The following TSPOAP1 variants were observed in gnomAD, a reference collection of about 807,000 sequenced individuals.
TSPOAP1 encodes peripheral-type benzodiazepine receptor-associated protein 1.
Under a neutral mutation model 197.0 loss-of-function variants are expected in TSPOAP1, and 87 were observed. The observed-to-expected ratio is 0.44, with a 90% CI of 0.37 to 0.53. The LOEUF is 0.53. Ranked by LOEUF, TSPOAP1 falls within the 20% of genes least tolerant of loss-of-function variation. The pLI is 0.00. For synonymous variants in TSPOAP1, 913 were observed against 998.9 expected, an observed-to-expected ratio of 0.91 and a Z score of 1.62; for missense variants, 2,174 against 2,411.3, an observed-to-expected ratio of 0.90 and a Z score of 2.06.
intron 1 of TSPOAP1, 150 bp downstream of exon 1, chr17:58,327,438 A>G (rs1971670507): frequency 2.8e-6 from 2 of 708,780 alleles, no homozygotes; most frequent in Admixed American, 2.9e-5. Context: ...TGAAGAGAGG[A>G]CAGATAGCCA....
rs1317346298 is a variant in TSPOAP1, at chr17:58,309,177, C to T, written c.4095G>A (p.Leu1365=). 1.9e-6 allele frequency: 3 copies of T among 1,614,088 alleles called. No homozygotes were observed. The South Asian group carries it at 3.3e-5, about 18-fold the overall frequency. The change falls in exon 22 of 32, where the codon CTG becomes CTA. Residue 1365 remains leucine, a synonymous_variant. Coordinates refer to ENST00000343736, the MANE Select transcript of TSPOAP1 (RefSeq NM_004758.4). This position sits in a 1 kb window ranked among gnomAD's most constrained non-coding sequence, Gnocchi z 5.0. ...GCTGACCACTGTCACAGCCCAGCCC[C>T]AGCAATGCAGGTTCAGGCGGGCCAG... The part of the protein sequence containing the change: ...RDPGPPEPAL[L]GLGCDSGQPR...
At position 58,307,760 on chromosome 17, in the gene TSPOAP1, G is replaced by A; in HGVS notation, c.4834C>T (p.Pro1612Ser). Residue 1612 changes from proline (P) to serine (S), a missense_variant and splice_region_variant, in exon 24 of 32, where the codon CCT (proline) becomes TCT (serine). This residue lies in a region of TSPOAP1 where 1,933 missense variants were observed against 2,139.0 expected (regional missense o/e 0.90). Transcript: ENST00000343736. ...AGTGTTTCTGAGGGGCTCCTCGCAGGGACTGTGGAGACAGTGGAGAGGGCG... is the reference window on the plus strand; with the variant it reads ...AGTGTTTCTGAGGGGCTCCTCGCAGAGACTGTGGAGACAGTGGAGAGGGCG... ...VLRPSTAELV[P>S]ARSPSETLAY... 1 of 1,614,148 alleles carries A rather than the reference G, an allele frequency of 6.2e-7. No individual in the cohort carries two copies. Among genetic ancestry groups the A allele is most frequent in the Non-Finnish European group, 8.5e-7 (1 of 1,180,028 alleles).
chr17:58,327,665 TG>T lies in TSPOAP1; in HGVS notation c.255del (p.Ser86AlafsTer25). Reference sequence around the variant, plus strand: ...GAGCTGGATGCTTGCTGGCCCAGGCTGGGCAGACAAGCCTCTGCTCCTTCAG... The same window carrying T: ...GAGCTGGATGCTTGCTGGCCCAGGCTGGCAGACAAGCCTCTGCTCCTTCAG... The part of the protein sequence containing the change: ...TDPEGAEACL[P>X]SLGQQASSSG... On this transcript the variant is annotated frameshift_variant, in exon 1 of 32. Transcript: ENST00000343736. LOFTEE classifies it high-confidence loss of function. 6.2e-7 allele frequency: 1 copy of T among 1,613,728 alleles called. No homozygotes were observed. The highest frequency in any genetic ancestry group is 8.5e-7 in the Non-Finnish European group (1 of 1,180,038).
Position 58,319,351 on chromosome 17 carries a change from C to T in TSPOAP1, c.1495-57G>A, listed in dbSNP as rs552273609. 2.6e-3 allele frequency: 3,937 copies of T among 1,511,554 alleles called. 8 individuals are homozygous for T. Among genetic ancestry groups the T allele is most frequent in the Non-Finnish European group, 3.3e-3 (3,722 of 1,123,542 alleles). The allele number at this position is 1,511,554 out of a possible 1,614,324, so 93.6% of individuals were successfully genotyped here. Reference sequence around the variant, plus strand: ...CCCTCAAAGCTACCCAGTGCCAGCCCGTGCCATCTGTACACAGCCCTACAC... The same window carrying T: ...CCCTCAAAGCTACCCAGTGCCAGCCTGTGCCATCTGTACACAGCCCTACAC... On this transcript the variant is annotated intron_variant, in intron 12 of 31. Coordinates refer to ENST00000343736, the MANE Select transcript of TSPOAP1 (RefSeq NM_004758.4).
rs772461636 is a variant in TSPOAP1, at chr17:58,312,603, G to A, written c.2218C>T (p.Pro740Ser). 1 of 1,613,642 alleles carries A rather than the reference G, an allele frequency of 6.2e-7. No homozygotes were observed. Among genetic ancestry groups the A allele is most frequent in the East Asian group, 2.2e-5 (1 of 44,896 alleles). Reference protein sequence around the residue: ...ELADLSHSSGPELSFLSVGGG... With the variant: ...ELADLSHSSGSELSFLSVGGG... ...CCTACACTCAGGAAACTGAGTTCAG[G>A]GCCTGAGCTGTGGGACAAATCGGCC... The change falls in exon 17 of 32, where the codon CCT becomes TCT. Residue 740 changes from proline (P) to serine (S), a missense_variant. Transcript: ENST00000343736.
chr17:58,309,263 C>T lies in TSPOAP1; in HGVS notation c.4009G>A (p.Glu1337Lys), dbSNP rs747552684. 3 of 1,613,936 alleles carry T rather than the reference C, an allele frequency of 1.9e-6. No individual in the cohort carries two copies. Among genetic ancestry groups the T allele is most frequent in the East Asian group, 2.2e-5 (1 of 44,880 alleles). Residue 1337 changes from glutamate (E) to lysine (K), a missense_variant, in exon 22 of 32, where the codon GAA becomes AAA. Coordinates refer to ENST00000343736, the MANE Select transcript of TSPOAP1 (RefSeq NM_004758.4). This position sits in a 1 kb window ranked among gnomAD's most constrained non-coding sequence, Gnocchi z 5.0. ...KKLFSIPEEEEEEEEDEEEEK... is the reference protein window; with the variant it reads ...KKLFSIPEEEKEEEEDEEEEK... Reference sequence around the variant, plus strand: ...TCCTCCTCGTCCTCCTCTTCCTCTTCCTCCTCCTCCGGGATGCTAAAGAGC... The same window carrying T: ...TCCTCCTCGTCCTCCTCTTCCTCTTTCTCCTCCTCCGGGATGCTAAAGAGC...
In TSPOAP1 at chr17:58,301,900, C is replaced by G. The variant is rs1012523539; in HGVS notation, c.*580G>C. On this transcript the variant is annotated 3_prime_UTR_variant, in exon 32 of 32. Transcript: ENST00000343736. ...CAGGCTCCTTTCTCCCTCCAGGGCC[C>G]GTCCTGGGACTGGGAAGGGTGGCAG... is the stretch of plus-strand genomic sequence containing the variant. 1 of 158,492 alleles carries G rather than the reference C, an allele frequency of 6.3e-6. No homozygotes were observed. Among genetic ancestry groups the G allele is most frequent in the African/African-American group, 2.4e-5 (1 of 41,458 alleles). The allele number at this position is 158,492 out of a possible 1,614,324, so 9.8% of individuals were successfully genotyped here. A position where few individuals can be genotyped will look rare whatever the true frequency, so the allele number is the denominator to read the frequency against.
rs147381196 is a variant in TSPOAP1, at chr17:58,308,282, T to C, written c.4731+259A>G. Among the ~76,000 whole-genome samples the C allele has an allele frequency of 2.0e-3, 309 of 152,364 alleles. 1 individual carries two copies. The highest frequency in any genetic ancestry group is 4.0e-3 in the Non-Finnish European group (271 of 68,030). ...AGCGTCCTGAAGCCATTACTAGCTA[T>C]GCAGAGGAAAGGGCGACCCTGCCCA... On this transcript the variant is annotated intron_variant, in intron 22 of 31. Coordinates refer to ENST00000343736, the MANE Select transcript of TSPOAP1 (RefSeq NM_004758.4).
chr17:58,304,166 G>C lies in TSPOAP1; in HGVS notation c.*32+172C>G, dbSNP rs1455254052. On this transcript the variant is annotated intron_variant, in intron 31 of 31. Coordinates refer to ENST00000343736, the MANE Select transcript of TSPOAP1 (RefSeq NM_004758.4). The surrounding 1 kb of genome is among the most constrained non-coding windows in gnomAD (Gnocchi z 4.2). ...AAAGGCAAGGCAAGGGGAGCAGGGAGGGGGAGGGATGACTCTTCATGCAAA... is the reference window on the plus strand; with the variant it reads ...AAAGGCAAGGCAAGGGGAGCAGGGACGGGGAGGGATGACTCTTCATGCAAA... The C allele has an allele frequency of 1.7e-6, 1 of 587,120 alleles. No individual in the cohort carries two copies. The highest frequency in any genetic ancestry group is 3.1e-6 in the Non-Finnish European group (1 of 325,078). The allele number at this position is 587,120 out of a possible 1,614,324, so 36.4% of individuals were successfully genotyped here. A position where few individuals can be genotyped will look rare whatever the true frequency, so the allele number is the denominator to read the frequency against.
chr17:58,305,727 C>A, intron 27 of TSPOAP1, 84 bp from the exon 28 acceptor site: 14 of 1,482,988 alleles, frequency 9.4e-6, no homozygotes, highest in South Asian at 1.2e-5. Flanking sequence ...CCCTGCTGAC[C>A]CCCTGTCACC....
At chr17:58,318,241 A>G (rs1261042974) in intron 14 of TSPOAP1, 39 bp downstream of exon 14, 8 of 1,609,082 alleles carry the variant, frequency 5.0e-6, no homozygotes, top group Non-Finnish European at 6.8e-6. Context: ...CCCTTCCCCA[A>G]GCCAAAGCCA....
Position 58,326,338 on chromosome 17 carries a change from G to T in TSPOAP1, c.525C>A (p.Arg175=), listed in dbSNP as rs1374184879. 6.2e-7 allele frequency: 1 copy of T among 1,614,020 alleles called. No individual in the cohort carries two copies. Among genetic ancestry groups the T allele is most frequent in the South Asian group, 1.1e-5 (1 of 91,084 alleles). ...KNAELAVIAK[R]LEERARKLQE... ...GCAGCTTTCGGGCCCTCTCCTCCAG[G>T]CGCTTGGCAATGACCGCCAGCTCGG... The change falls in exon 3 of 32, where the codon CGC becomes CGA. Residue 175 remains arginine (R), a synonymous_variant. Coordinates refer to ENST00000343736, the MANE Select transcript of TSPOAP1 (RefSeq NM_004758.4). This position sits in a 1 kb window ranked among gnomAD's most constrained non-coding sequence, Gnocchi z 4.7.
At chr17:58,320,045 T>C (rs1971358454) in intron 12 of TSPOAP1, 64 bp downstream of exon 12, 7 of 1,603,094 alleles carry the variant, frequency 4.4e-6, no homozygotes, top group Non-Finnish European at 6.0e-6. Context: ...GCCTGGGCCC[T>C]GAGGGAGGAG....
chr17:58,327,153 C>T (rs1487522851), intron 1 of TSPOAP1, among the ~76,000 whole-genome samples: 2 of 152,082 alleles, frequency 1.3e-5, no homozygotes, highest in African/African-American at 2.4e-5. Flanking sequence ...CTGCTCACAC[C>T]CACCCCAACC....
chr17:58,308,993 G>A lies in TSPOAP1; in HGVS notation c.4279C>T (p.His1427Tyr), dbSNP rs1165881748. The A allele has an allele frequency of 6.2e-7, 1 of 1,612,416 alleles. No individual in the cohort carries two copies. The highest frequency in any genetic ancestry group is 1.3e-5 in the African/African-American group (1 of 74,892). ...TTGTTGCTGAGAAGTCGGCTGCAGT[G>A]TTCTCGGGGATCTGGAGGCCGCCTG... is the stretch of plus-strand genomic sequence containing the variant. Reference protein sequence around the residue: ...SRRRPPDPREHCSRLLSNNGP... With the variant: ...SRRRPPDPREYCSRLLSNNGP... Residue 1427 changes from histidine to tyrosine, a missense_variant, in exon 22 of 32, where the codon CAC becomes TAC. His to Tyr is a moderately conservative substitution (Grantham distance 83). Coordinates refer to ENST00000343736, the MANE Select transcript of TSPOAP1 (RefSeq NM_004758.4).
chr17:58,320,908 T>C lies in TSPOAP1; in HGVS notation c.1423-327A>G, dbSNP rs575047796. On this transcript the variant is annotated intron_variant, in intron 10 of 31. Coordinates refer to ENST00000343736, the MANE Select transcript of TSPOAP1 (RefSeq NM_004758.4). The stretch of plus-strand genomic sequence containing the variant: ...CTGGATGCTCCTTCTCAGCCTCTTT[T>C]GCCTGCTCCCTGTCCCCCATTTTGA... 5.3e-5 allele frequency among the ~76,000 whole-genome samples: 8 copies of C among 152,220 alleles called. No individual in the cohort carries two copies. The South Asian group carries it at 1.7e-3, about 32-fold the overall frequency.
rs371168786 is a variant in TSPOAP1, at chr17:58,308,847, C to A, written c.4425G>T (p.Arg1475Ser). The A allele has an allele frequency of 1.2e-6, 2 of 1,610,214 alleles. No individual in the cohort carries two copies. Among genetic ancestry groups the A allele is most frequent in the Non-Finnish European group, 1.7e-6 (2 of 1,178,162 alleles). ...SGRGRLGPSR[R>S]CSRGRALEPG... ...GCTCCAGCGCCCGGCCACGGGAGCA[C>A]CTCCGGGAAGGGCCCAGCCGGCCTC... The change falls in exon 22 of 32, where the codon AGG (arginine) becomes AGT (serine). Residue 1475 changes from arginine to serine, a missense_variant. Around this residue, in one of 5 missense-constraint regions of TSPOAP1, gnomAD observed 1,933 missense variants for 2,139.0 expected, o/e 0.90. Transcript: ENST00000343736.
At position 58,308,868 on chromosome 17, in the gene TSPOAP1, G is replaced by A; in HGVS notation, c.4404C>T (p.Gly1468=). The change falls in exon 22 of 32, where the codon GGC becomes GGT. Residue 1468 remains glycine, a synonymous_variant. Coordinates refer to ENST00000343736, the MANE Select transcript of TSPOAP1 (RefSeq NM_004758.4). ...PRTGLEASGR[G]RLGPSRRCSR... is the part of the protein sequence containing the mutation. ...AGCACCTCCGGGAAGGGCCCAGCCG[G>A]CCTCTCCCGCTAGCCTCTAGTCCAG... 6.2e-7 allele frequency: 1 copy of A among 1,605,748 alleles called. No homozygotes were observed. Among genetic ancestry groups the A allele is most frequent in the Non-Finnish European group, 8.5e-7 (1 of 1,175,366 alleles).
chr17:58,309,049 C>G lies in TSPOAP1; in HGVS notation c.4223G>C (p.Gly1408Ala), dbSNP rs1468627212. The G allele has an allele frequency of 1.6e-5, 25 of 1,612,536 alleles. No homozygotes were observed. The highest frequency in any genetic ancestry group is 1.9e-5 in the Non-Finnish European group (23 of 1,180,036). Residue 1408 changes from glycine (G) to alanine (A), a missense_variant, in exon 22 of 32, where the codon GGA becomes GCA. By Grantham distance (60) the Gly-to-Ala change is moderately conservative. Around this residue, in one of 5 missense-constraint regions of TSPOAP1, gnomAD observed 1,933 missense variants for 2,139.0 expected, o/e 0.90. Transcript: ENST00000343736. This position sits in a 1 kb window ranked among gnomAD's most constrained non-coding sequence, Gnocchi z 5.0. ...GLVGGSSRRRGGGSPEKPPSR... is the reference protein window; with the variant it reads ...GLVGGSSRRRAGGSPEKPPSR... ...TGGGGGCTTCTCAGGGGAGCCCCCT[C>G]CTCTCCTCCGGCTGCTTCCACCAAC... is the stretch of plus-strand genomic sequence containing the variant.
Sources: allele counts gnomAD v4.1 joint callset (sites outside exome capture counted in the v4.1 genomes callset), GRCh38; gene constraint gnomAD v4.1.1; regional missense constraint gnomAD v4.1.1; non-coding constraint Gnocchi (gnomAD v3.1); transcripts MANE v1.5; gene names NCBI Gene and HGNC (gene_info 2026-07-23, HGNC 2026-07-21).